ATRX: variants seen among roughly 807,000 people sequenced by gnomAD.
ATRX encodes ATRX chromatin remodeler.
Under a neutral mutation model 172.6 loss-of-function variants are expected in ATRX, and 12 were observed. The ratio of observed to expected loss-of-function variants is 0.07; its 90% confidence interval spans 0.04 to 0.11. The LOEUF is 0.11. Among genes scored for constraint, ATRX ranks in the 10% least tolerant of loss-of-function variants. ATRX has a pLI of 1.00. For missense variants in ATRX, 1,368 were observed against 1,767.4 expected (o/e 0.77, Z 4.05); for synonymous variants, 674 against 594.7 (o/e 1.13, Z -1.94).
chrX:77,769,645 A>C (rs1557198057), intron 1 of ATRX, among the ~76,000 whole-genome samples: 1 of 111,484 alleles, frequency 9.0e-6, no homozygotes, highest in East Asian at 2.8e-4. Context: ...GGTAGGCTTT[A>C]ATACAATTTC....
At chrX:77,578,664 T>C (rs937481499) in intron 27 of ATRX, among the ~76,000 whole-genome samples, 27 of 111,994 alleles carry the variant, frequency 2.4e-4, no homozygotes, top group African/African-American at 8.4e-4. Context: ...TTGTGGGGCA[T>C]GGATTAGACA....
chrX:77,644,711 C>G (rs1557112785), intron 15 of ATRX, among the ~76,000 whole-genome samples: 1 of 97,168 alleles, frequency 1.0e-5, no homozygotes, highest in African/African-American at 3.8e-5. Context: ...GTCCGAAGAT[C>G]AAAAAGGGAA....
chrX:77,732,078 C>A (rs1472893830), intron 1 of ATRX, among the ~76,000 whole-genome samples: 1 of 111,939 alleles, frequency 8.9e-6, no homozygotes, highest in Non-Finnish European at 1.9e-5. Flanking sequence ...TTAACACCCC[C>A]TCAGGGGCCT....
At position 77,683,179 on chromosome X, in the gene ATRX, C is replaced by T. The variant is rs2148607540; in HGVS notation, c.2077G>A (p.Val693Ile). Residue 693 changes from valine to isoleucine, a missense_variant, in exon 9 of 35, where the codon GTT becomes ATT. Coordinates refer to ENST00000373344, the MANE Select transcript of ATRX (RefSeq NM_000489.6). ...CGCTTATCCTTTTTTCTCACTGGAA[C>T]TGATAGTTTTTGTTTCTCCTTAACT... ...ETVKEKQKLS[V>I]PVRKKDKRNS... The T allele has an allele frequency of 8.3e-7, 1 of 1,208,512 alleles. No homozygotes were observed. The highest frequency in any genetic ancestry group is 1.8e-5 in the South Asian group (1 of 56,966).
intron 30 of ATRX, among the ~76,000 whole-genome samples, chrX:77,539,847 A>C (rs986341860): frequency 8.9e-6 from 1 of 112,210 alleles, no homozygotes; most frequent in Non-Finnish European, 1.9e-5. Flanking sequence ...AACCAGTATA[A>C]GACACTGCAA....
intron 34 of ATRX, among the ~76,000 whole-genome samples, chrX:77,517,853 A>T (rs1162144777): frequency 8.9e-6 from 1 of 112,419 alleles, no homozygotes; most frequent in Non-Finnish European, 1.9e-5. Flanking sequence ...CAAGGGCTTC[A>T]AGGATGATTT....
intron 1 of ATRX, among the ~76,000 whole-genome samples, chrX:77,733,935 G>C (rs781893759): frequency 2.7e-5 from 3 of 109,167 alleles, no homozygotes; most frequent in African/African-American, 1.0e-4. Context: ...CAGGCACGCT[G>C]GCTCACACCT....
intron 1 of ATRX, among the ~76,000 whole-genome samples, chrX:77,756,391 G>A (rs1255091342): frequency 9.2e-6 from 1 of 109,206 alleles, no homozygotes; most frequent in African/African-American, 3.3e-5. Context: ...CACCACTGGG[G>A]TATGAAGAGG....
chrX:77,749,854 C>T (rs1027614231), intron 1 of ATRX, among the ~76,000 whole-genome samples: 17 of 110,735 alleles, frequency 1.5e-4, no homozygotes, highest in Non-Finnish European at 2.1e-4. Context: ...ATGCTATATA[C>T]GCTGCCTGCC....
At chrX:77,579,038 C>T (rs782453462) in intron 27 of ATRX, among the ~76,000 whole-genome samples, 1 of 112,250 alleles carries the variant, frequency 8.9e-6, no homozygotes, top group African/African-American at 3.2e-5. Flanking sequence ...GTGGTGGCCA[C>T]GAAGAGAGGC....
chrX:77,706,666 G>A (rs1168388629), intron 2 of ATRX, among the ~76,000 whole-genome samples: 2 of 111,105 alleles, frequency 1.8e-5, no homozygotes, highest in Middle Eastern at 8.3e-3. Flanking sequence ...CTACTTGTGA[G>A]GCCAAGGTGG....
intron 5 of ATRX, among the ~76,000 whole-genome samples, chrX:77,695,313 C>T (rs1484035967): frequency 9.0e-6 from 1 of 111,178 alleles, no homozygotes; most frequent in African/African-American, 3.3e-5. Context: ...GAGCCTGGTA[C>T]TTATACATAC....
At chrX:77,572,172 C>T in intron 28 of ATRX, among the ~76,000 whole-genome samples, 1 of 110,803 alleles carries the variant, frequency 9.0e-6, no homozygotes, top group East Asian at 2.8e-4. Context: ...AAGAGCAACT[C>T]CCCAAATCCA....
At chrX:77,686,588 C>T (rs782640653) in intron 7 of ATRX, among the ~76,000 whole-genome samples, 25 of 110,184 alleles carry the variant, frequency 2.3e-4, no homozygotes, top group African/African-American at 7.9e-4. Flanking sequence ...TGGTGGCAAG[C>T]GCCTGTAATC....
In ATRX at chrX:77,683,176, G is replaced by C. The variant is rs2148607452; in HGVS notation, c.2080C>G (p.Pro694Ala). Residue 694 changes from proline (P) to alanine (A), a missense_variant, in exon 9 of 35, where the codon CCA becomes GCA. Physicochemically the swap from Pro to Ala is conservative, Grantham distance 27. Around this residue, in one of 17 missense-constraint regions of ATRX, gnomAD observed 843 missense variants for 643.1 expected, o/e 1.31. Transcript: ENST00000373344. ...TTACGCTTATCCTTTTTTCTCACTG[G>C]AACTGATAGTTTTTGTTTCTCCTTA... is the stretch of plus-strand genomic sequence containing the variant. ...TVKEKQKLSVPVRKKDKRNSS... is the reference protein window; with the variant it reads ...TVKEKQKLSVAVRKKDKRNSS... 8.3e-7 allele frequency: 1 copy of C among 1,207,485 alleles called. No individual in the cohort carries two copies.
Position 77,508,201 on chromosome X carries a change from T to TTA in ATRX, c.*149_*150insTA. On this transcript the variant is annotated 3_prime_UTR_variant, in exon 35 of 35. Coordinates refer to ENST00000373344, the MANE Select transcript of ATRX (RefSeq NM_000489.6). ...TCAGGAAGAAATGGTATGCCCTATT[T>TTA]AAAAAAAAAAAAAGTAAAACTAATA... 1 of 550,825 alleles carries TTA rather than the reference T, an allele frequency of 1.8e-6. No individual in the cohort carries two copies. The highest frequency in any genetic ancestry group is 2.7e-6 in the Non-Finnish European group (1 of 376,896). The allele number at this position is 550,825 out of a possible 1,213,427, so 45.4% of individuals were successfully genotyped here. A position where few individuals can be genotyped will look rare whatever the true frequency, so the allele number is the denominator to read the frequency against.
intron 30 of ATRX, among the ~76,000 whole-genome samples, chrX:77,525,230 C>T (rs2063344815): frequency 8.9e-6 from 1 of 112,138 alleles, no homozygotes; most frequent in Non-Finnish European, 1.9e-5. Flanking sequence ...ACTTCTCTGG[C>T]TTATGCCACA....
intron 1 of ATRX, among the ~76,000 whole-genome samples, chrX:77,768,755 A>G (rs1399902719): frequency 8.9e-6 from 1 of 112,001 alleles, no homozygotes; most frequent in African/African-American, 3.2e-5. Context: ...TATCCATACC[A>G]TTATAATAAT....
chrX:77,769,744 T>C (rs1231009728), intron 1 of ATRX, among the ~76,000 whole-genome samples: 2 of 112,134 alleles, frequency 1.8e-5, no homozygotes, highest in East Asian at 5.6e-4. Flanking sequence ...TATTTTCAAA[T>C]ATGAGAACTG....
Sources: gnomAD v4.1 joint callset for allele counts (sites outside exome capture counted in the v4.1 genomes callset) on GRCh38, gnomAD v4.1.1 for gene constraint, gnomAD v4.1.1 regional missense constraint, MANE v1.5 for transcripts, NCBI Gene and HGNC (gene_info 2026-07-23, HGNC 2026-07-21) for gene names.